Variants in POLA1 observed in about 807,000 individuals in gnomAD.
POLA1 encodes DNA polymerase alpha catalytic subunit.
POLA1 carries 15 observed loss-of-function variants against 124.0 expected under a neutral mutation model. That is an observed-to-expected ratio of 0.12 (90% CI 0.08 to 0.19). The LOEUF is 0.19. POLA1 is among the 10% of genes least tolerant of loss of function. POLA1 has a pLI of 1.00. For synonymous variants in POLA1, 408 were observed against 389.4 expected (o/e 1.05, Z -0.56); for missense variants, 886 against 1,103.4 (o/e 0.80, Z 2.79).
chrX:24,981,777 A>C (rs2048422909), intron 36 of POLA1, among the ~76,000 whole-genome samples: 2 of 112,357 alleles, frequency 1.8e-5, no homozygotes, highest in Admixed American at 1.9e-4. Flanking sequence ...GGTAAATAAA[A>C]CGGGGAAGAC....
At chrX:24,861,497 G>A (rs1363827050) in intron 34 of POLA1, among the ~76,000 whole-genome samples, 1 of 112,569 alleles carries the variant, frequency 8.9e-6, no homozygotes, top group Non-Finnish European at 1.9e-5. Context: ...GTATTTATAA[G>A]CATGTAGATT....
At position 24,748,333 on chromosome X, in the gene POLA1, C is replaced by T; in HGVS notation, c.2714C>T (p.Pro905Leu). 1.7e-6 allele frequency: 2 copies of T among 1,196,478 alleles called. No individual in the cohort carries two copies. The highest frequency in any genetic ancestry group is 2.3e-6 in the Non-Finnish European group (2 of 883,881). ...VTEDGEQEQI[P>L]ELPDPSLEMG... ...CAGGATGGAGAACAAGAACAGATCCCTGAGTTGCCAGATCCAAGCTTAGAA... is the reference window on the plus strand; with the variant it reads ...CAGGATGGAGAACAAGAACAGATCCTTGAGTTGCCAGATCCAAGCTTAGAA... The change falls in exon 25 of 37, where the codon CCT (proline) becomes CTT (leucine). Residue 905 changes from proline to leucine, a missense_variant. By Grantham distance (98) the Pro-to-Leu change is moderately conservative. Around this residue, in one of 7 missense-constraint regions of POLA1, gnomAD observed 182 missense variants for 252.8 expected, o/e 0.72. Transcript: ENST00000379068.
At chrX:24,853,162 G>A (rs2046587853) in intron 34 of POLA1, among the ~76,000 whole-genome samples, 1 of 112,186 alleles carries the variant, frequency 8.9e-6, no homozygotes, top group African/African-American at 3.2e-5. Context: ...AAATTTTCCA[G>A]CAAAATAGAT....
chrX:24,990,001 C>G (rs948414511), intron 36 of POLA1, among the ~76,000 whole-genome samples: 10 of 111,560 alleles, frequency 9.0e-5, no homozygotes, highest in Non-Finnish European at 1.3e-4. Context: ...TCTTGTATAC[C>G]TCAATGATGG....
intron 34 of POLA1, among the ~76,000 whole-genome samples, chrX:24,870,614 T>C (rs111402091): frequency 0.012 from 1,300 of 111,896 alleles, 19 homozygotes; most frequent in African/African-American, 0.04. Flanking sequence ...TGCAGCCATG[T>C]CAAATTCTTT....
chrX:24,770,062 A>G, intron 26 of POLA1, among the ~76,000 whole-genome samples: 1 of 112,374 alleles, frequency 8.9e-6, no homozygotes, highest in Non-Finnish European at 1.9e-5. Flanking sequence ...TTACTAAGGA[A>G]AATACTGTGT....
At position 24,821,445 on chromosome X, in the gene POLA1, C is replaced by A. The variant is rs1216915818; in HGVS notation, c.3430-7C>A. On this transcript the variant is annotated splice_polypyrimidine_tract_variant and splice_region_variant and intron_variant, in intron 30 of 36. Coordinates refer to ENST00000379068, the MANE Select transcript of POLA1 (RefSeq NM_001330360.2). ...AAGGCTTAGAACTTTTTTGTTCCCT[C>A]TTTTAGGCATTGACAAAGGATCCCC... is the stretch of plus-strand genomic sequence containing the variant. 1.7e-6 allele frequency: 2 copies of A among 1,198,115 alleles called. No individual in the cohort carries two copies. Among genetic ancestry groups the A allele is most frequent in the Non-Finnish European group, 2.3e-6 (2 of 888,799 alleles).
chrX:24,991,278 G>A (rs2048533311), intron 36 of POLA1, among the ~76,000 whole-genome samples: 1 of 108,702 alleles, frequency 9.2e-6, no homozygotes. Context: ...GGGGCTGCAT[G>A]GGCAATTTTC....
intron 27 of POLA1, 59 bp from the exon 28 acceptor site, chrX:24,810,649 C>T: frequency 2.0e-6 from 1 of 502,228 alleles, no homozygotes; most frequent in East Asian, 3.8e-5. Flanking sequence ...TCTTTAGTTT[C>T]ATTGTATGTA....
At chrX:24,808,347 A>G (rs570748239) in intron 26 of POLA1, among the ~76,000 whole-genome samples, 3 of 111,758 alleles carry the variant, frequency 2.7e-5, no homozygotes, top group African/African-American at 9.8e-5. Flanking sequence ...GAAGCATCCT[A>G]CAGGAATTCT....
chrX:24,736,519 G>C (rs181609300), intron 18 of POLA1, among the ~76,000 whole-genome samples: 3 of 111,816 alleles, frequency 2.7e-5, no homozygotes, highest in African/African-American at 9.7e-5. Flanking sequence ...AAGTCTATGC[G>C]TGAGAAATCT....
At chrX:24,973,363 C>CA (rs1470573547) in intron 36 of POLA1, among the ~76,000 whole-genome samples, 17 of 97,476 alleles carry the variant, frequency 1.7e-4, no homozygotes, top group Admixed American at 5.6e-4. Flanking sequence ...AAAACTGTCT[C>CA]AAAAAAAAAG....
chrX:24,830,043 C>T (rs2046239457), intron 32 of POLA1, among the ~76,000 whole-genome samples: 1 of 111,558 alleles, frequency 9.0e-6, no homozygotes, highest in Non-Finnish European at 1.9e-5. Context: ...AGTATTGAAA[C>T]TTTAGTGAAG....
chrX:24,785,971 G>A (rs2045353590), intron 26 of POLA1, among the ~76,000 whole-genome samples: 1 of 112,313 alleles, frequency 8.9e-6, no homozygotes, highest in Non-Finnish European at 1.9e-5. Flanking sequence ...TTTTTCTGTG[G>A]CTGGTTTATT....
intron 36 of POLA1, among the ~76,000 whole-genome samples, chrX:24,947,302 C>G (rs1436874404): frequency 1.4e-5 from 1 of 70,840 alleles, no homozygotes; most frequent in Non-Finnish European, 2.4e-5. Context: ...GAGTCTCACT[C>G]TGTTGCCCAG....
At chrX:24,797,740 G>C (rs1359077678) in intron 26 of POLA1, among the ~76,000 whole-genome samples, 1 of 111,376 alleles carries the variant, frequency 9.0e-6, no homozygotes, top group East Asian at 2.8e-4. Flanking sequence ...TTGAGCCTTG[G>C]CCAAATTAGA....
At chrX:24,963,295 G>A (rs745833169) in intron 36 of POLA1, among the ~76,000 whole-genome samples, 24 of 111,685 alleles carry the variant, frequency 2.1e-4, no homozygotes, top group Admixed American at 3.8e-4. Flanking sequence ...CCAATTCATC[G>A]TGATGAAGAA....
chrX:24,726,050 T>C lies in POLA1; in HGVS notation c.1387T>C (p.Tyr463His), dbSNP rs2148361232. The C allele has an allele frequency of 8.9e-7, 1 of 1,126,495 alleles. No individual in the cohort carries two copies. The highest frequency in any genetic ancestry group is 1.2e-6 in the Non-Finnish European group (1 of 821,565). The allele number at this position is 1,126,495 out of a possible 1,213,427, so 92.8% of individuals were successfully genotyped here. A position where few individuals can be genotyped will look rare whatever the true frequency, so the allele number is the denominator to read the frequency against. ...PEKSEYLEVK[Y>H]SAEMPQLPQD... ...AAAATCTGAGTACTTGGAAGTTAAATACTCGGTAAGTCAAACAAAGAAAAT... is the reference window on the plus strand; with the variant it reads ...AAAATCTGAGTACTTGGAAGTTAAACACTCGGTAAGTCAAACAAAGAAAAT... The change falls in exon 13 of 37, where the codon TAC becomes CAC. Residue 463 changes from tyrosine to histidine, a missense_variant. This residue lies in a region of POLA1 where 337 missense variants were observed against 402.8 expected (regional missense o/e 0.84). Coordinates refer to ENST00000379068, the MANE Select transcript of POLA1 (RefSeq NM_001330360.2).
chrX:24,976,994 CT>C (rs1401568812), intron 36 of POLA1, among the ~76,000 whole-genome samples: 1 of 112,468 alleles, frequency 8.9e-6, no homozygotes, highest in African/African-American at 3.2e-5. Flanking sequence ...TCTTCCTCTG[CT>C]TTTCTAAACC....
Sources: allele counts gnomAD v4.1 joint callset (sites outside exome capture counted in the v4.1 genomes callset), GRCh38; gene constraint gnomAD v4.1.1; regional missense constraint gnomAD v4.1.1; transcripts MANE v1.5; gene names NCBI Gene and HGNC (gene_info 2026-07-23, HGNC 2026-07-21).